The following PODXL2 variants were observed in gnomAD, a reference collection of about 807,000 sequenced individuals.
The protein encoded by PODXL2 is podocalyxin-like protein 2.
In PODXL2, 17 loss-of-function variants were observed where a neutral mutation model predicts 53.4. The observed-to-expected ratio is 0.32, with a 90% CI of 0.22 to 0.48. PODXL2 has a LOEUF of 0.48. Among genes scored for constraint, PODXL2 ranks in the 20% least tolerant of loss-of-function variants. PODXL2 has a pLI of 0.99. For synonymous variants in PODXL2, 311 were observed against 306.7 expected (o/e 1.01, Z -0.15); for missense variants, 673 against 760.0 (o/e 0.89, Z 1.35).
chr3:127,646,099 C>T (rs1178249683), intron 2 of PODXL2, among the ~76,000 whole-genome samples: 1 of 152,250 alleles, frequency 6.6e-6, no homozygotes, highest in Non-Finnish European at 1.5e-5. Context: ...ATGTATTCAA[C>T]ACCCAGTATG....
chr3:127,645,487 G>A (rs759454642), intron 2 of PODXL2, among the ~76,000 whole-genome samples: 25 of 152,232 alleles, frequency 1.6e-4, no homozygotes, highest in East Asian at 3.8e-4. Flanking sequence ...ACCAGTGCAC[G>A]TGGTTATGCT....
chr3:127,669,151 C>A lies in PODXL2; in HGVS notation c.1374C>A (p.Pro458=). Residue 458 remains proline (P), a synonymous_variant, in exon 6 of 8, where the codon CCC becomes CCA. Transcript: ENST00000342480. Reference sequence around the variant, plus strand: ...TTTCTTACCCCCCAGGGGTGGTGCCCACTCAAGATGTCCTTTCCATGCTGG... The same window carrying A: ...TTTCTTACCCCCCAGGGGTGGTGCCAACTCAAGATGTCCTTTCCATGCTGG... ...MTLVGEQGVV[P]TQDVLSMLGD... is the part of the protein sequence containing the mutation. 6.2e-7 allele frequency: 1 copy of A among 1,604,784 alleles called. No homozygotes were observed. Among genetic ancestry groups the A allele is most frequent in the East Asian group, 2.3e-5 (1 of 44,116 alleles).
chr3:127,636,141 C>G (rs1402213213), intron 1 of PODXL2, among the ~76,000 whole-genome samples: 1 of 152,226 alleles, frequency 6.6e-6, no homozygotes, highest in African/African-American at 2.4e-5. Context: ...TAGATTTCAT[C>G]TCTTGATGGG....
chr3:127,657,320 G>A (rs184283323), intron 2 of PODXL2, among the ~76,000 whole-genome samples: 2 of 152,268 alleles, frequency 1.3e-5, no homozygotes, highest in Non-Finnish European at 2.9e-5. Flanking sequence ...CTGCTGATGG[G>A]TGTGTCACCA....
At chr3:127,639,727 T>C (rs2074602402) in intron 2 of PODXL2, among the ~76,000 whole-genome samples, 1 of 152,226 alleles carries the variant, frequency 6.6e-6, no homozygotes, top group Non-Finnish European at 1.5e-5. Flanking sequence ...TCTTTAATAC[T>C]AACCACTGTT....
chr3:127,633,367 G>A (rs2107702443), intron 1 of PODXL2, among the ~76,000 whole-genome samples: 1 of 152,322 alleles, frequency 6.6e-6, no homozygotes, highest in Non-Finnish European at 1.5e-5. Flanking sequence ...TTTTGTGGGG[G>A]AGAAACCAGC....
chr3:127,647,991 A>G (rs976512723), intron 2 of PODXL2, among the ~76,000 whole-genome samples: 1 of 152,138 alleles, frequency 6.6e-6, no homozygotes, highest in Non-Finnish European at 1.5e-5. Context: ...AGTAGGGAAC[A>G]CTCATAAAGT....
At chr3:127,652,004 G>T (rs939358846) in intron 2 of PODXL2, among the ~76,000 whole-genome samples, 6 of 152,218 alleles carry the variant, frequency 3.9e-5, no homozygotes, top group Non-Finnish European at 8.8e-5. Context: ...ACAAAGGTAC[G>T]GGCAGACTGG....
At chr3:127,664,119 C>G (rs1334213365) in intron 4 of PODXL2, among the ~76,000 whole-genome samples, 1 of 152,188 alleles carries the variant, frequency 6.6e-6, no homozygotes, top group Admixed American at 6.5e-5. Flanking sequence ...AGCTGAAACT[C>G]TGTACCCATT....
intron 2 of PODXL2, among the ~76,000 whole-genome samples, chr3:127,639,790 A>G (rs2074602777): frequency 6.6e-6 from 1 of 152,208 alleles, no homozygotes; most frequent in South Asian, 2.1e-4. Flanking sequence ...TTATAACCTG[A>G]GAGATAAGTA....
chr3:127,640,209 C>A (rs2074606159), intron 2 of PODXL2, among the ~76,000 whole-genome samples: 1 of 152,256 alleles, frequency 6.6e-6, no homozygotes, highest in South Asian at 2.1e-4. Context: ...CACCAATGTC[C>A]TGGGCCAGCA....
At position 127,661,084 on chromosome 3, in the gene PODXL2, A is replaced by G. The variant is rs778979460; in HGVS notation, c.1056A>G (p.Gln352=). 1.2e-6 allele frequency: 2 copies of G among 1,614,220 alleles called. No individual in the cohort carries two copies. The highest frequency in any genetic ancestry group is 1.3e-5 in the African/African-American group (1 of 75,060). The part of the protein sequence containing the change: ...ELTPSSATLG[Q]EDLNQQLLEG... ...CACCTTCCTCTGCTACCTTGGGACA[A>G]GAAGATCTCAACCAGCAGCTCCTAG... Residue 352 remains glutamine (Q), a synonymous_variant, in exon 3 of 8, where the codon CAA becomes CAG. Coordinates refer to ENST00000342480, the MANE Select transcript of PODXL2 (RefSeq NM_015720.4).
At chr3:127,658,323 A>G (rs1235412095) in intron 2 of PODXL2, among the ~76,000 whole-genome samples, 20 of 150,632 alleles carry the variant, frequency 1.3e-4, no homozygotes, top group Admixed American at 1.3e-3. Context: ...ATTTGAACCA[A>G]TTGCTTTCCA....
At chr3:127,645,620 G>C (rs985192528) in intron 2 of PODXL2, among the ~76,000 whole-genome samples, 1 of 152,224 alleles carries the variant, frequency 6.6e-6, no homozygotes, top group Non-Finnish European at 1.5e-5. Flanking sequence ...CATTTGCCCA[G>C]AGGGGACATC....
Position 127,639,440 on chromosome 3 carries a change from C to T in PODXL2, c.266C>T (p.Ser89Phe), listed in dbSNP as rs1440550307. 1.2e-6 allele frequency: 2 copies of T among 1,614,256 alleles called. No homozygotes were observed. The highest frequency in any genetic ancestry group is 1.6e-4 in the Middle Eastern group (1 of 6,062). The change falls in exon 2 of 8, where the codon TCT becomes TTT. Residue 89 changes from serine to phenylalanine, a missense_variant. Transcript: ENST00000342480. ...SGFPSEENEE[S>F]RILQPPQYFW... is the part of the protein sequence containing the mutation. Reference sequence around the variant, plus strand: ...TTCCCCAGCGAAGAGAATGAAGAGTCTCGGATTCTGCAGCCACCACAGTAC... The same window carrying T: ...TTCCCCAGCGAAGAGAATGAAGAGTTTCGGATTCTGCAGCCACCACAGTAC...
intron 2 of PODXL2, among the ~76,000 whole-genome samples, chr3:127,643,596 TCTTC>T (rs1343985819): frequency 3.3e-5 from 5 of 152,156 alleles, no homozygotes; most frequent in African/African-American, 1.2e-4. Flanking sequence ...CATGCACCTT[TCTTC>T]CTTCTATTCT....
rs2074815059 is a variant in PODXL2, at chr3:127,669,168, C to T, written c.1391C>T (p.Ser464Phe). The T allele has an allele frequency of 1.2e-6, 2 of 1,607,606 alleles. No homozygotes were observed. Among genetic ancestry groups the T allele is most frequent in the Non-Finnish European group, 1.7e-6 (2 of 1,177,638 alleles). Reference protein sequence around the residue: ...QGVVPTQDVLSMLGDIRRSLE... With the variant: ...QGVVPTQDVLFMLGDIRRSLE... Reference sequence around the variant, plus strand: ...GTGGTGCCCACTCAAGATGTCCTTTCCATGCTGGGTGACATCCGCAGGAGC... The same window carrying T: ...GTGGTGCCCACTCAAGATGTCCTTTTCATGCTGGGTGACATCCGCAGGAGC... Residue 464 changes from serine to phenylalanine, a missense_variant, in exon 6 of 8, where the codon TCC becomes TTC. Coordinates refer to ENST00000342480, the MANE Select transcript of PODXL2 (RefSeq NM_015720.4).
At chr3:127,642,601 C>T (rs1405088611) in intron 2 of PODXL2, among the ~76,000 whole-genome samples, 2 of 151,968 alleles carry the variant, frequency 1.3e-5, no homozygotes, top group African/African-American at 4.8e-5. Context: ...ACGCCGCACC[C>T]CCCACCAAGT....
intron 1 of PODXL2, among the ~76,000 whole-genome samples, chr3:127,631,654 T>C (rs527911783): frequency 1.3e-5 from 2 of 152,320 alleles, no homozygotes; most frequent in African/African-American, 4.8e-5. Flanking sequence ...TTAAGGCAGA[T>C]TAATTATTAA....
Sources: gnomAD v4.1 joint callset for allele counts (sites outside exome capture counted in the v4.1 genomes callset) on GRCh38, gnomAD v4.1.1 for gene constraint, MANE v1.5 for transcripts, NCBI Gene and HGNC (gene_info 2026-07-23, HGNC 2026-07-21) for gene names.